The following NXPE2 variants were observed in gnomAD, a reference collection of about 807,000 sequenced individuals.
The protein encoded by NXPE2 is neurexophilin and PC-esterase domain family member 2, also known as NXPE family member 2.
In NXPE2, 34 loss-of-function variants were observed where a neutral mutation model predicts 34.4. That is an observed-to-expected ratio of 0.99 (90% CI 0.75 to 1.31). The LOEUF (loss-of-function observed/expected upper bound fraction) is 1.31. Ranked by LOEUF, NXPE2 falls within the 40% of genes most tolerant of loss-of-function variation. The pLI, the probability that NXPE2 is intolerant of heterozygous loss-of-function variation, is 0.00. For synonymous variants in NXPE2, 235 were observed against 231.3 expected, an observed-to-expected ratio of 1.02 and a Z score of -0.15; for missense variants, 649 against 672.5, an observed-to-expected ratio of 0.97 and a Z score of 0.39.
At chr11:114,813,337 T>G in the NXPE2 span, among the ~76,000 whole-genome samples, 2 of 152,272 alleles carry the variant, frequency 1.3e-5, no homozygotes, top group Non-Finnish European at 2.9e-5. Flanking sequence ...ACCATTCATC[T>G]CTCTGCCATG....
the NXPE2 span, among the ~76,000 whole-genome samples, chr11:114,474,641 A>C: frequency 6.6e-6 from 1 of 152,134 alleles, no homozygotes; most frequent in East Asian, 1.9e-4. Flanking sequence ...TTCAAGAGAC[A>C]ATGGAAGGAG....
chr11:114,792,094 T>A, the NXPE2 span, among the ~76,000 whole-genome samples: 1 of 152,166 alleles, frequency 6.6e-6, no homozygotes, highest in Non-Finnish European at 1.5e-5. Context: ...AGATACGTGC[T>A]GAGCAGCTCC....
the NXPE2 span, among the ~76,000 whole-genome samples, chr11:114,592,629 C>A: frequency 6.6e-6 from 1 of 151,988 alleles, no homozygotes. Context: ...AGATTCAAGG[C>A]AAACCCTATC....
the NXPE2 span, among the ~76,000 whole-genome samples, chr11:114,608,228 G>T: frequency 2.0e-5 from 3 of 151,294 alleles, no homozygotes; most frequent in Non-Finnish European, 4.4e-5. Flanking sequence ...TGCCTCATGG[G>T]TAACAACTGT....
chr11:114,554,441 C>T, the NXPE2 span: 1 of 932,650 alleles, frequency 1.1e-6, no homozygotes, highest in African/African-American at 1.8e-5. Flanking sequence ...TGACATGGGC[C>T]CTTTGATAAT....
the NXPE2 span, among the ~76,000 whole-genome samples, chr11:114,476,764 G>C: frequency 6.6e-6 from 1 of 152,100 alleles, no homozygotes; most frequent in Non-Finnish European, 1.5e-5. Context: ...CTCCCACCAG[G>C]TTCCTTGCCC....
At chr11:114,611,286 T>C in the NXPE2 span, among the ~76,000 whole-genome samples, 1 of 151,758 alleles carries the variant, frequency 6.6e-6, no homozygotes, top group Non-Finnish European at 1.5e-5. Context: ...CTGTCGATAA[T>C]AAGTGTTGCC....
At chr11:114,576,638 A>G in the NXPE2 span, among the ~76,000 whole-genome samples, 8 of 152,148 alleles carry the variant, frequency 5.3e-5, no homozygotes, top group African/African-American at 1.7e-4. Flanking sequence ...CAAAACCACA[A>G]TGTGATACCA....
the NXPE2 span, among the ~76,000 whole-genome samples, chr11:114,796,704 C>A: frequency 6.6e-6 from 1 of 152,206 alleles, no homozygotes; most frequent in Non-Finnish European, 1.5e-5. Flanking sequence ...GAACACATTC[C>A]TGGTCCCTGC....
chr11:114,628,280 C>G, the NXPE2 span, among the ~76,000 whole-genome samples: 1 of 150,820 alleles, frequency 6.6e-6, no homozygotes, highest in Non-Finnish European at 1.5e-5. Flanking sequence ...ATAAACCTCT[C>G]CTCAGAAAAT....
chr11:114,503,002 A>G, the NXPE2 span, among the ~76,000 whole-genome samples: 1 of 152,206 alleles, frequency 6.6e-6, no homozygotes. Context: ...TCCCAGATAA[A>G]GTGGTCTTGG....
chr11:114,580,080 G>A, the NXPE2 span: 2 of 1,441,156 alleles, frequency 1.4e-6, no homozygotes, highest in Non-Finnish European at 2.0e-6. Context: ...CCTTTGAAAT[G>A]GAAAAGAAGT....
In NXPE2 at chr11:114,705,834, A is replaced by G. The variant is rs371375364; in HGVS notation, c.982A>G (p.Ser328Gly). The G allele has an allele frequency of 1.2e-4, 180 of 1,540,604 alleles. No homozygotes were observed. In the African/African-American group the frequency reaches 2.2e-3, roughly 19 times the overall value. Residue 328 changes from serine to glycine, a missense_variant, in exon 5 of 6, where the codon AGT (serine) becomes GGT (glycine). Coordinates refer to ENST00000389586, the MANE Select transcript of NXPE2 (RefSeq NM_182495.6). ...GATTGGAATGAAGACTCCTTTCCCC[A>G]GTGGTTATACTTTGAAAAAAATGTG... ...CQIGMKTPFPSGYTLKKMWIT... is the reference protein window; with the variant it reads ...CQIGMKTPFPGGYTLKKMWIT...
chr11:114,812,425 G>A, the NXPE2 span, among the ~76,000 whole-genome samples: 1 of 152,200 alleles, frequency 6.6e-6, no homozygotes, highest in South Asian at 2.1e-4. Context: ...AGGTGGCACT[G>A]GAAAGGGGCA....
chr11:114,601,804 A>C, the NXPE2 span, among the ~76,000 whole-genome samples: 2 of 74,624 alleles, frequency 2.7e-5, no homozygotes. Context: ...ATATGATTAT[A>C]TATTATATAA....
At chr11:114,601,074 T>C in the NXPE2 span, among the ~76,000 whole-genome samples, 2,748 of 152,012 alleles carry the variant, frequency 0.018, 79 homozygotes, top group African/African-American at 0.063. Flanking sequence ...CACACTGTTG[T>C]TTTTTGTTTT....
At chr11:114,674,842 G>A (rs1341511516), upstream of NXPE2, among the ~76,000 whole-genome samples, 3 of 151,598 alleles carry the variant, frequency 2.0e-5, no homozygotes, top group Non-Finnish European at 4.4e-5. Flanking sequence ...AGACAAGGAC[G>A]CTAGGAGAAA....
the NXPE2 span, among the ~76,000 whole-genome samples, chr11:114,808,306 A>G: frequency 1.4e-4 from 22 of 151,950 alleles, no homozygotes; most frequent in Non-Finnish European, 2.9e-4. Context: ...GAGCAAACAC[A>G]TTCAAAAGCT....
the NXPE2 span, among the ~76,000 whole-genome samples, chr11:114,603,356 T>C: frequency 1.3e-5 from 2 of 151,558 alleles, no homozygotes; most frequent in Non-Finnish European, 2.9e-5. Flanking sequence ...GTAACTCCTA[T>C]TACCTGACGG....
Sources: allele counts gnomAD v4.1 joint callset (sites outside exome capture counted in the v4.1 genomes callset), GRCh38; gene constraint gnomAD v4.1.1; transcripts MANE v1.5; gene names NCBI Gene and HGNC (gene_info 2026-07-23, HGNC 2026-07-21).